The following NRBF2 variants were observed in gnomAD, a reference collection of about 807,000 sequenced individuals.
NRBF2 encodes the protein nuclear receptor binding factor 2.
NRBF2 carries 12 observed loss-of-function variants against 28.5 expected under a neutral mutation model. That is an observed-to-expected ratio of 0.42 (90% confidence interval 0.27 to 0.68). The LOEUF is 0.68. Among genes scored for constraint, NRBF2 ranks in the 30% least tolerant of loss-of-function variants. NRBF2 has a pLI of 0.24. For synonymous variants in NRBF2, 102 were observed against 116.5 expected, an observed-to-expected ratio of 0.88 and a Z score of 0.80; for missense variants, 274 against 333.5, an observed-to-expected ratio of 0.82 and a Z score of 1.39.
At chr10:63,143,910 G>A (rs531899435) in intron 1 of NRBF2, among the ~76,000 whole-genome samples, 20 of 151,774 alleles carry the variant, frequency 1.3e-4, no homozygotes, top group Admixed American at 7.9e-4. Context: ...AGGTGCGAGC[G>A]CCACACCCGG....
chr10:63,136,124 C>CTTTTTTTTTTTTTTTT (rs11334549), intron 1 of NRBF2, among the ~76,000 whole-genome samples: 1 of 125,006 alleles, frequency 8.0e-6, no homozygotes, highest in Non-Finnish European at 1.8e-5. Flanking sequence ...AAAATTCAGA[C>CTTTTTTTTTTTTTTTT]TTTTTTTTTT....
At chr10:63,148,821 G>C (rs1195623629) in intron 2 of NRBF2, among the ~76,000 whole-genome samples, 2 of 152,186 alleles carry the variant, frequency 1.3e-5, no homozygotes, top group Non-Finnish European at 2.9e-5. Flanking sequence ...ACATCCCTAA[G>C]TGAATTTCTC....
At chr10:63,149,730 CAT>C (rs1319685151) in intron 2 of NRBF2, among the ~76,000 whole-genome samples, 5 of 152,276 alleles carry the variant, frequency 3.3e-5, no homozygotes, top group African/African-American at 1.2e-4. Context: ...CCTCCTTTGT[CAT>C]ATACAATTTC....
At chr10:63,149,887 A>G (rs546379879) in intron 2 of NRBF2, among the ~76,000 whole-genome samples, 1 of 152,312 alleles carries the variant, frequency 6.6e-6, no homozygotes, top group Non-Finnish European at 1.5e-5. Context: ...ATGTCTAAGA[A>G]AATGTGTCTA....
chr10:63,143,991 C>T (rs1007083936), intron 1 of NRBF2, among the ~76,000 whole-genome samples: 6 of 151,940 alleles, frequency 3.9e-5, no homozygotes, highest in South Asian at 2.1e-4. Context: ...CTCTTGAGCT[C>T]GAGTGATCTG....
intron 1 of NRBF2, among the ~76,000 whole-genome samples, chr10:63,144,051 C>A (rs939374626): frequency 7.2e-5 from 11 of 152,112 alleles, no homozygotes; most frequent in Non-Finnish European, 1.0e-4. Flanking sequence ...AGCCACAGCA[C>A]CCAGCCACTT....
chr10:63,147,611 C>CTTTTTTTTT (rs56136949), intron 2 of NRBF2, among the ~76,000 whole-genome samples: 1 of 134,146 alleles, frequency 7.5e-6, no homozygotes, highest in African/African-American at 2.8e-5. Flanking sequence ...TGCTCTCAGC[C>CTTTTTTTTT]TTTTTTTTTT....
intron 1 of NRBF2, among the ~76,000 whole-genome samples, chr10:63,142,780 C>CTTTCTTTTTTTTTTTTTT (rs1554821458): frequency 1.5e-4 from 11 of 74,940 alleles, no homozygotes; most frequent in African/African-American, 6.4e-4. Flanking sequence ...TTCTTTCTTT[C>CTTTCTTTTTTTTTTTTTT]TTTTTTTTTT....
intron 1 of NRBF2, 78 bp downstream of exon 1, chr10:63,133,578 C>G: frequency 1.8e-6 from 2 of 1,132,270 alleles, no homozygotes; most frequent in South Asian, 2.5e-5. Flanking sequence ...GGCGCGTCGG[C>G]TAACCCTTTA....
At position 63,139,978 on chromosome 10, in the gene NRBF2, G is replaced by GA. The variant is rs1000235627; in HGVS notation, c.31-6220dup. On this transcript the variant is annotated intron_variant, in intron 1 of 3. Coordinates refer to ENST00000277746, the MANE Select transcript of NRBF2 (RefSeq NM_030759.5). ...TAGTGAAAACCGGTCTCTACCAAAAGAAAAAAAAAAATAGCTGAGCATGGT... is the reference window on the plus strand; with the variant it reads ...TAGTGAAAACCGGTCTCTACCAAAAGAAAAAAAAAAAATAGCTGAGCATGGT... Among the ~76,000 whole-genome samples, 489 of 143,954 alleles carry GA rather than the reference G, an allele frequency of 3.4e-3. 1 individual carries two copies. Among genetic ancestry groups the GA allele is most frequent in the African/African-American group, 0.012 (456 of 39,534 alleles). The allele number at this position is 143,954 out of a possible 152,430, so 94.4% of individuals were successfully genotyped here.
intron 1 of NRBF2, among the ~76,000 whole-genome samples, chr10:63,134,504 T>C (rs1007233231): frequency 1.7e-4 from 26 of 152,204 alleles, no homozygotes; most frequent in African/African-American, 6.3e-4. Flanking sequence ...GGTTTAAGAC[T>C]CTAGGTTTTG....
chr10:63,134,397 G>C (rs1006143858), intron 1 of NRBF2, among the ~76,000 whole-genome samples: 3 of 152,180 alleles, frequency 2.0e-5, no homozygotes, highest in Non-Finnish European at 4.4e-5. Flanking sequence ...TCACAGGTTT[G>C]CAATTCATTT....
chr10:63,140,041 G>A (rs1230359172), intron 1 of NRBF2, among the ~76,000 whole-genome samples: 1 of 151,198 alleles, frequency 6.6e-6, no homozygotes, highest in East Asian at 2.1e-4. Flanking sequence ...GAGAGGCTGA[G>A]ATAGGAGGAT....
intron 2 of NRBF2, among the ~76,000 whole-genome samples, chr10:63,147,141 A>G (rs1374754268): frequency 6.6e-6 from 1 of 152,072 alleles, no homozygotes; most frequent in East Asian, 1.9e-4. Flanking sequence ...GCTGGCAGGC[A>G]TGTTCCTTTC....
In NRBF2 at chr10:63,153,628, A is replaced by G; in HGVS notation, c.274A>G (p.Lys92Glu). The G allele has an allele frequency of 6.2e-7, 1 of 1,611,972 alleles. No individual in the cohort carries two copies. Among genetic ancestry groups the G allele is most frequent in the Non-Finnish European group, 8.5e-7 (1 of 1,179,850 alleles). ...ERLKAQQNTDKDAAAHLQTSH... is the reference protein window; with the variant it reads ...ERLKAQQNTDEDAAAHLQTSH... Reference sequence around the variant, plus strand: ...ATTGAAAGCCCAGCAGAACACAGACAAGGATGCAGCTGCCCATCTTCAGAC... The same window carrying G: ...ATTGAAAGCCCAGCAGAACACAGACGAGGATGCAGCTGCCCATCTTCAGAC... The change falls in exon 4 of 4, where the codon AAG becomes GAG. Residue 92 changes from lysine (K) to glutamate (E), a missense_variant. By Grantham distance (56) the Lys-to-Glu change is moderately conservative. Transcript: ENST00000277746.
chr10:63,143,712 C>T (rs1841511821), intron 1 of NRBF2, among the ~76,000 whole-genome samples: 1 of 150,498 alleles, frequency 6.6e-6, no homozygotes, highest in African/African-American at 2.4e-5. Flanking sequence ...TTGGCCTCCG[C>T]AAGTGTTGGG....
At chr10:63,146,155 G>T in intron 1 of NRBF2, 54 bp from the exon 2 acceptor site, 1 of 1,428,946 alleles carries the variant, frequency 7.0e-7, no homozygotes, top group Non-Finnish European at 9.8e-7. Context: ...CTTTTTGAAA[G>T]AAATCATGTT....
chr10:63,145,451 C>T (rs1286268673), intron 1 of NRBF2, among the ~76,000 whole-genome samples: 3 of 152,066 alleles, frequency 2.0e-5, no homozygotes, highest in African/African-American at 4.8e-5. Flanking sequence ...TCAGATGATC[C>T]GCCTGCCTCA....
chr10:63,147,481 C>T (rs370581142), intron 2 of NRBF2, among the ~76,000 whole-genome samples: 81 of 152,054 alleles, frequency 5.3e-4, no homozygotes, highest in African/African-American at 1.3e-3. Context: ...CCACCACCCC[C>T]GGCTTGTATT....
Sources: allele counts gnomAD v4.1 joint callset (sites outside exome capture counted in the v4.1 genomes callset), GRCh38; gene constraint gnomAD v4.1.1; transcripts MANE v1.5; gene names NCBI Gene and HGNC (gene_info 2026-07-23, HGNC 2026-07-21).